GDA: variants seen among roughly 807,000 people sequenced by gnomAD.
GDA encodes cytoplasmic PSD-95 interactor.
GDA carries 18 observed loss-of-function variants against 59.6 expected under a neutral mutation model. The observed-to-expected ratio is 0.30, with a 90% confidence interval of 0.21 to 0.45. The LOEUF (loss-of-function observed/expected upper bound fraction) is 0.45, where lower values mean the gene tolerates loss of function less well. Among genes scored for constraint, GDA ranks in the 20% least tolerant of loss-of-function variants. The pLI is 1.00. For missense variants in GDA, 427 were observed against 552.3 expected, an observed-to-expected ratio of 0.77 and a Z score of 2.27; for synonymous variants, 201 against 201.1, an observed-to-expected ratio of 1.00 and a Z score of 0.00.
intron 12 of GDA, among the ~76,000 whole-genome samples, chr9:72,245,866 A>G (rs1840087759): frequency 1.3e-5 from 2 of 152,224 alleles, no homozygotes; most frequent in African/African-American, 4.8e-5. Flanking sequence ...TGGATAAAAT[A>G]AACTAGTTCA....
chr9:72,258,811 A>C (rs975469100), downstream of GDA, among the ~76,000 whole-genome samples: 1 of 152,154 alleles, frequency 6.6e-6, no homozygotes. Context: ...AGCCTCACCC[A>C]TGGGTGTGGA....
At chr9:72,242,258 G>A (rs552546043) in intron 11 of GDA, among the ~76,000 whole-genome samples, 157 of 152,112 alleles carry the variant, frequency 1.0e-3, no homozygotes, top group Non-Finnish European at 1.9e-3. Context: ...ATATACTTAA[G>A]TACACTAATT....
chr9:72,242,009 C>T (rs59571332), intron 11 of GDA, among the ~76,000 whole-genome samples: 26,312 of 152,158 alleles, frequency 0.17, 2,590 homozygotes, highest in Middle Eastern at 0.29. Flanking sequence ...AAGCTCTTCC[C>T]CTGTGATAAG....
At chr9:72,243,993 G>A (rs113435388) in intron 11 of GDA, among the ~76,000 whole-genome samples, 5 of 152,024 alleles carry the variant, frequency 3.3e-5, no homozygotes, top group African/African-American at 1.2e-4. Context: ...GGCTAACACG[G>A]TGAAACCCCA....
intron 1 of GDA, among the ~76,000 whole-genome samples, chr9:72,170,047 T>G (rs912655927): frequency 1.3e-5 from 2 of 152,198 alleles, no homozygotes; most frequent in African/African-American, 4.8e-5. Context: ...AACTTGTAAA[T>G]TAAACAAACA....
At chr9:72,115,626 C>A (rs919570308) in intron 1 of GDA, among the ~76,000 whole-genome samples, 3 of 152,156 alleles carry the variant, frequency 2.0e-5, no homozygotes, top group African/African-American at 7.2e-5. Flanking sequence ...ATTTCCAAGT[C>A]AAGATTCATC....
intron 11 of GDA, among the ~76,000 whole-genome samples, chr9:72,243,815 T>C (rs1839868556): frequency 6.6e-6 from 1 of 152,042 alleles, no homozygotes. Flanking sequence ...CTAACAAAGG[T>C]AGTCGATTCA....
At chr9:72,118,321 G>GAAAGA (rs1825540452) in intron 1 of GDA, among the ~76,000 whole-genome samples, 1 of 117,398 alleles carries the variant, frequency 8.5e-6, no homozygotes, top group Non-Finnish European at 1.9e-5. Flanking sequence ...GGCATTCAAA[G>GAAAGA]AAAGAAAATT....
intron 11 of GDA, among the ~76,000 whole-genome samples, chr9:72,244,132 G>T (rs1839907987): frequency 6.6e-6 from 1 of 150,950 alleles, no homozygotes; most frequent in South Asian, 2.1e-4. Flanking sequence ...AGCTGAAATT[G>T]CGCCACTGCA....
chr9:72,228,891 AAAAT>A (rs953192114), intron 9 of GDA: 1 of 151,974 alleles, frequency 6.6e-6, no homozygotes, highest in African/African-American at 2.4e-5. Flanking sequence ...CTGTCTCAGA[AAAAT>A]AAATAAGTTA....
At chr9:72,179,045 T>A (rs553262382) in intron 1 of GDA, among the ~76,000 whole-genome samples, 1 of 152,328 alleles carries the variant, frequency 6.6e-6, no homozygotes, top group African/African-American at 2.4e-5. Flanking sequence ...CTCAATGATA[T>A]GTTTCCAGAG....
chr9:72,247,465 TA>T, intron 13 of GDA, 32 bp downstream of exon 13: 2 of 1,157,114 alleles, frequency 1.7e-6, no homozygotes, highest in Non-Finnish European at 2.6e-6. Flanking sequence ...TGCTAAATAT[TA>T]AATAGAACCT....
intron 5 of GDA, among the ~76,000 whole-genome samples, chr9:72,216,768 C>T (rs1836186391): frequency 6.6e-6 from 1 of 151,994 alleles, no homozygotes; most frequent in Admixed American, 6.6e-5. Flanking sequence ...CTCTGCCTCA[C>T]AGGTTCATGC....
intron 2 of GDA, among the ~76,000 whole-genome samples, chr9:72,202,253 G>A (rs908320070): frequency 1.3e-5 from 2 of 152,150 alleles, no homozygotes; most frequent in Non-Finnish European, 2.9e-5. Flanking sequence ...CAAAGTCATG[G>A]GATTAAATCA....
chr9:72,221,924 T>G (rs971432206), intron 6 of GDA, among the ~76,000 whole-genome samples: 1 of 152,224 alleles, frequency 6.6e-6, no homozygotes, highest in Non-Finnish European at 1.5e-5. Context: ...TATTCCATGG[T>G]GTATATGTAC....
chr9:72,200,643 C>T (rs921724581), intron 2 of GDA, among the ~76,000 whole-genome samples: 1 of 152,182 alleles, frequency 6.6e-6, no homozygotes, highest in African/African-American at 2.4e-5. Flanking sequence ...GAGGAAGTTA[C>T]ACTGCTATTC....
intron 4 of GDA, among the ~76,000 whole-genome samples, chr9:72,213,672 G>T (rs62561984): frequency 0.1 from 15,343 of 151,526 alleles, 885 homozygotes; most frequent in Middle Eastern, 0.15. Context: ...GCGCGGTGGC[G>T]GGCGCCTGTA....
At chr9:72,233,337 T>C (rs1184824909) in intron 10 of GDA, among the ~76,000 whole-genome samples, 2 of 152,102 alleles carry the variant, frequency 1.3e-5, no homozygotes, top group Non-Finnish European at 2.9e-5. Flanking sequence ...TGAACAAATA[T>C]CTGAAAATGA....
At chr9:72,224,394 T>G (rs1348223684) in intron 7 of GDA, among the ~76,000 whole-genome samples, 1 of 152,204 alleles carries the variant, frequency 6.6e-6, no homozygotes, top group Non-Finnish European at 1.5e-5. Flanking sequence ...TTCAGAACAT[T>G]GCTATTTTTT....
Sources: allele counts gnomAD v4.1 joint callset (sites outside exome capture counted in the v4.1 genomes callset), GRCh38; gene constraint gnomAD v4.1.1; transcripts MANE v1.5; gene names NCBI Gene and HGNC (gene_info 2026-07-23, HGNC 2026-07-21).